UNC13C: variants seen among roughly 807,000 people sequenced by gnomAD.
UNC13C encodes the protein unc-13 homolog C, also known as protein unc-13 homolog C.
UNC13C carries 174 observed loss-of-function variants against 245.4 expected under a neutral mutation model. That is an observed-to-expected ratio of 0.71 (90% CI 0.63 to 0.80). The LOEUF (loss-of-function observed/expected upper bound fraction) is 0.80. Among genes scored for constraint, UNC13C ranks in the 30% least tolerant of loss-of-function variants. UNC13C has a pLI of 0.00. For missense variants in UNC13C, 2,829 were observed against 2,602.9 expected, an observed-to-expected ratio of 1.09 and a Z score of -1.89; for synonymous variants, 992 against 895.1, an observed-to-expected ratio of 1.11 and a Z score of -1.93.
At chr15:54,037,264 G>A (rs923280817) in intron 2 of UNC13C, among the ~76,000 whole-genome samples, 6 of 152,174 alleles carry the variant, frequency 3.9e-5, no homozygotes, top group Admixed American at 6.5e-5. Context: ...TAGGCACTCC[G>A]GTGATGTGGT....
At chr15:53,870,437 C>G in the UNC13C span, among the ~76,000 whole-genome samples, 12 of 133,666 alleles carry the variant, frequency 9.0e-5, no homozygotes, top group Non-Finnish European at 1.8e-4. Flanking sequence ...CCCCCACCCC[C>G]ACACTGGCTG....
intron 29 of UNC13C, among the ~76,000 whole-genome samples, chr15:54,563,857 G>A (rs1000955478): frequency 6.6e-6 from 1 of 151,948 alleles, no homozygotes; most frequent in East Asian, 1.9e-4. Flanking sequence ...CATGGGCACA[G>A]AGTCAAATTT....
chr15:54,476,944 G>A (rs1892780409), intron 19 of UNC13C, among the ~76,000 whole-genome samples: 1 of 146,770 alleles, frequency 6.8e-6, no homozygotes, highest in Non-Finnish European at 1.5e-5. Flanking sequence ...CCATGAGCAT[G>A]GAATGTTCTT....
At chr15:53,891,866 A>T in the UNC13C span, among the ~76,000 whole-genome samples, 2 of 152,202 alleles carry the variant, frequency 1.3e-5, no homozygotes, top group South Asian at 4.1e-4. Flanking sequence ...TAACATTTAA[A>T]GTTAATATTG....
chr15:54,469,908 TTACTC>T (rs1892368067), intron 19 of UNC13C, among the ~76,000 whole-genome samples: 1 of 151,604 alleles, frequency 6.6e-6, no homozygotes, highest in Admixed American at 6.6e-5. Flanking sequence ...TATATGGTCT[TTACTC>T]TATTGAGGAA....
rs201598813 is a variant in UNC13C, at chr15:54,393,167, A to G, written c.4833A>G (p.Thr1611=). 538 of 1,592,190 alleles carry G rather than the reference A, an allele frequency of 3.4e-4. 1 individual carries two copies. The highest frequency in any genetic ancestry group is 3.0e-4 in the Non-Finnish European group (346 of 1,172,766). Residue 1611 remains threonine (T), a synonymous_variant, in exon 18 of 33, where the codon ACA becomes ACG. Transcript: ENST00000260323. ...TIIDEDKTAY[T]PVLNQFPQEL... is the part of the protein sequence containing the mutation. ...TTGATGAGGATAAAACTGCCTACAC[A>G]CCTGTCCTGAATCAGTAAGTACAAT... is the stretch of plus-strand genomic sequence containing the variant.
rs566287032 is a variant in UNC13C at position 54,453,529 on chromosome 15, G to A, written c.4933+38462G>A. 7.2e-5 allele frequency among the ~76,000 whole-genome samples: 11 copies of A among 152,202 alleles called. No homozygotes were observed. The South Asian group carries it at 2.1e-3, about 29-fold the overall frequency. ...ACTACACCCTATATTTGGATAATCA[G>A]GTTGTTAGATTTTTTAAGTACTGTA... On this transcript the variant is annotated intron_variant, in intron 19 of 32. Transcript: ENST00000260323.
the UNC13C span, among the ~76,000 whole-genome samples, chr15:53,844,095 T>A: frequency 6.6e-6 from 1 of 151,840 alleles, no homozygotes; most frequent in Non-Finnish European, 1.5e-5. Context: ...AAGAAGTGAA[T>A]CCCAGAGCAT....
At chr15:54,119,897 C>G (rs1044452695) in intron 2 of UNC13C, among the ~76,000 whole-genome samples, 1 of 152,072 alleles carries the variant, frequency 6.6e-6, no homozygotes, top group Non-Finnish European at 1.5e-5. Context: ...CCCTAAGGCT[C>G]CACAATTCTA....
chr15:54,505,825 C>T (rs1402467190), intron 22 of UNC13C, among the ~76,000 whole-genome samples: 1 of 145,324 alleles, frequency 6.9e-6, no homozygotes, highest in Non-Finnish European at 1.5e-5. Context: ...CTTTGTCTTA[C>T]CTGCAGCCCA....
intron 13 of UNC13C, among the ~76,000 whole-genome samples, chr15:54,319,789 ATT>A (rs1256045690): frequency 6.8e-6 from 1 of 147,418 alleles, no homozygotes; most frequent in Non-Finnish European, 1.5e-5. Flanking sequence ...ATATAGTGAA[ATT>A]TTCTTTCCTC....
intron 2 of UNC13C, among the ~76,000 whole-genome samples, chr15:54,045,025 G>A (rs77687947): frequency 8.8e-4 from 134 of 152,056 alleles, no homozygotes; most frequent in Middle Eastern, 3.4e-3. Context: ...TCTGTGAGTT[G>A]TCTTTTCATT....
chr15:53,970,298 A>G, the UNC13C span, among the ~76,000 whole-genome samples: 18 of 152,230 alleles, frequency 1.2e-4, no homozygotes, highest in African/African-American at 3.9e-4. Context: ...CAAACTCCTT[A>G]TCTCAGGTGA....
At chr15:54,624,628 C>T (rs189467219) in intron 32 of UNC13C, among the ~76,000 whole-genome samples, 48 of 152,156 alleles carry the variant, frequency 3.2e-4, no homozygotes, top group African/African-American at 8.7e-4. Flanking sequence ...AATAATTATA[C>T]GGTGGCAAGA....
chr15:54,029,704 G>A (rs1424652486), intron 2 of UNC13C, among the ~76,000 whole-genome samples: 1 of 152,212 alleles, frequency 6.6e-6, no homozygotes, highest in Admixed American at 6.5e-5. Context: ...ACTGACAGAG[G>A]TGAGCACTTT....
intron 2 of UNC13C, among the ~76,000 whole-genome samples, chr15:54,077,376 C>CTTTTCTT (rs1898688018): frequency 1.4e-4 from 9 of 62,694 alleles, no homozygotes; most frequent in African/African-American, 1.2e-4. Context: ...CTTTTCTTTT[C>CTTTTCTT]TTTTTTTTTT....
At chr15:53,868,962 T>C in the UNC13C span, among the ~76,000 whole-genome samples, 8 of 151,968 alleles carry the variant, frequency 5.3e-5, no homozygotes, top group African/African-American at 9.7e-5. Flanking sequence ...ACAAAAAATT[T>C]AGTCGGGCGT....
chr15:54,236,490 C>T (rs910663238), intron 6 of UNC13C, 55 bp downstream of exon 6: 1 of 1,377,662 alleles, frequency 7.3e-7, no homozygotes, highest in Non-Finnish European at 1.0e-6. Context: ...CAAACATACA[C>T]TGCACTTACT....
intron 2 of UNC13C, among the ~76,000 whole-genome samples, chr15:54,021,674 A>G (rs1467781672): frequency 6.6e-6 from 1 of 152,240 alleles, no homozygotes; most frequent in Non-Finnish European, 1.5e-5. Context: ...TCTTTGAAAT[A>G]TCAGTCTCAA....
Sources: gnomAD v4.1 joint callset for allele counts (sites outside exome capture counted in the v4.1 genomes callset) on GRCh38, gnomAD v4.1.1 for gene constraint, MANE v1.5 for transcripts, NCBI Gene and HGNC (gene_info 2026-07-23, HGNC 2026-07-21) for gene names.